The following ZFPM2 variants were observed in gnomAD, a reference collection of about 807,000 sequenced individuals.
ZFPM2 encodes the protein zinc finger protein ZFPM2.
In ZFPM2, 20 loss-of-function variants were observed where a neutral mutation model predicts 98.6. The observed-to-expected ratio is 0.20, with a 90% CI of 0.14 to 0.29. The LOEUF (loss-of-function observed/expected upper bound fraction) is 0.29. Among genes scored for constraint, ZFPM2 ranks in the 10% least tolerant of loss-of-function variants. ZFPM2 has a pLI of 1.00. For missense variants in ZFPM2, 1,310 were observed against 1,388.6 expected, an observed-to-expected ratio of 0.94 and a Z score of 0.90; for synonymous variants, 518 against 502.7, an observed-to-expected ratio of 1.03 and a Z score of -0.41.
At chr8:105,383,120 T>C (rs1810919650) in intron 1 of ZFPM2, among the ~76,000 whole-genome samples, 1 of 152,162 alleles carries the variant, frequency 6.6e-6, no homozygotes, top group African/African-American at 2.4e-5. Flanking sequence ...GCCTGAGCTT[T>C]AAAGAAAAGA....
chr8:105,331,767 C>T (rs753430097), intron 1 of ZFPM2, among the ~76,000 whole-genome samples: 1 of 151,664 alleles, frequency 6.6e-6, no homozygotes, highest in Non-Finnish European at 1.5e-5. Flanking sequence ...TTTAAGAGGA[C>T]TCTAAGGAAT....
intron 6 of ZFPM2, among the ~76,000 whole-genome samples, chr8:105,795,559 AAAG>A (rs1359809940): frequency 6.6e-6 from 1 of 152,106 alleles, no homozygotes; most frequent in Admixed American, 6.6e-5. Flanking sequence ...AACAAACAAA[AAAG>A]AAGTGTATCC....
chr8:105,545,083 C>CATG (rs1384754378), intron 3 of ZFPM2, among the ~76,000 whole-genome samples: 2 of 152,018 alleles, frequency 1.3e-5, no homozygotes, highest in Admixed American at 1.3e-4. Context: ...TGACAAAAAT[C>CATG]ATGATGATGA....
At chr8:105,369,997 G>A (rs912151417) in intron 1 of ZFPM2, among the ~76,000 whole-genome samples, 8 of 152,116 alleles carry the variant, frequency 5.3e-5, no homozygotes. Context: ...TGTCAATTAT[G>A]TTTAAGACTT....
At chr8:105,777,175 T>A (rs1813122682) in intron 5 of ZFPM2, among the ~76,000 whole-genome samples, 2 of 152,168 alleles carry the variant, frequency 1.3e-5, no homozygotes. Flanking sequence ...CACAAGTATT[T>A]AGGTCCCAAT....
At chr8:105,379,491 C>T (rs1387129326) in intron 1 of ZFPM2, among the ~76,000 whole-genome samples, 5 of 152,110 alleles carry the variant, frequency 3.3e-5, no homozygotes, top group South Asian at 2.1e-4. Context: ...CGGTGGCTCA[C>T]GCCTGTAATC....
chr8:105,749,810 A>C (rs959417699), intron 5 of ZFPM2, among the ~76,000 whole-genome samples: 3 of 151,958 alleles, frequency 2.0e-5, no homozygotes, highest in Non-Finnish European at 4.4e-5. Flanking sequence ...GAGTGGAGGA[A>C]GGGGGGCAGA....
intron 3 of ZFPM2, among the ~76,000 whole-genome samples, chr8:105,525,559 A>G (rs2130563654): frequency 6.6e-6 from 1 of 152,318 alleles, no homozygotes; most frequent in African/African-American, 2.4e-5. Flanking sequence ...GACTTGGTCA[A>G]TGTCAAATCG....
At position 105,452,329 on chromosome 8, in the gene ZFPM2, C is replaced by T. The variant is rs184423064; in HGVS notation, c.301+7948C>T. On this transcript the variant is annotated intron_variant, in intron 3 of 7. Transcript: ENST00000407775. ...CTAACAGGGTTTTACTGTGTTCTTT[C>T]TCGTTGAACCATAATTCAGCTTAGA... Among the ~76,000 whole-genome samples, 6 of 152,304 alleles carry T rather than the reference C, an allele frequency of 3.9e-5. No individual in the cohort carries two copies. The South Asian group carries it at 8.3e-4, about 21-fold the overall frequency.
intron 5 of ZFPM2, among the ~76,000 whole-genome samples, chr8:105,651,594 T>A (rs940423767): frequency 2.6e-5 from 4 of 152,062 alleles, no homozygotes; most frequent in African/African-American, 9.7e-5. Context: ...ATATTTAGTG[T>A]GTATCAACAC....
intron 4 of ZFPM2, among the ~76,000 whole-genome samples, chr8:105,611,258 A>C (rs1364452386): frequency 1.3e-5 from 2 of 152,208 alleles, no homozygotes; most frequent in Admixed American, 6.6e-5. Flanking sequence ...GGAGGAGTTA[A>C]AGACCATATC....
At chr8:105,508,653 G>T (rs1358942587) in intron 3 of ZFPM2, among the ~76,000 whole-genome samples, 2 of 151,940 alleles carry the variant, frequency 1.3e-5, no homozygotes, top group Admixed American at 1.3e-4. Context: ...GAGACCAGAT[G>T]CACCTCTTCT....
chr8:105,379,066 G>GAT (rs1810787542), intron 1 of ZFPM2, among the ~76,000 whole-genome samples: 1 of 152,072 alleles, frequency 6.6e-6, no homozygotes, highest in Admixed American at 6.6e-5. Flanking sequence ...TTCCTGTGAA[G>GAT]ATAACAATAT....
intron 1 of ZFPM2, among the ~76,000 whole-genome samples, chr8:105,396,465 A>C (rs1337527652): frequency 6.6e-6 from 1 of 152,160 alleles, no homozygotes; most frequent in Admixed American, 6.6e-5. Flanking sequence ...ACATTTCTGC[A>C]GTAATATGTT....
chr8:105,577,639 A>G (rs1037658366), intron 4 of ZFPM2, among the ~76,000 whole-genome samples: 1 of 151,972 alleles, frequency 6.6e-6, no homozygotes, highest in Non-Finnish European at 1.5e-5. Context: ...AGATACTTTA[A>G]GTACTCTAAT....
chr8:105,402,499 A>G (rs1811360067), intron 1 of ZFPM2, among the ~76,000 whole-genome samples: 2 of 152,100 alleles, frequency 1.3e-5, no homozygotes, highest in African/African-American at 4.8e-5. Context: ...TCAAAATCAA[A>G]ATAATTTAAC....
chr8:105,750,299 G>T lies in ZFPM2; in HGVS notation c.533-38419G>T, dbSNP rs1182812548. ...GTATCTATACTTTATAGTTGTTTCT[G>T]CAACAAGCCCTGCTGCCTCCAAGGG... On this transcript the variant is annotated intron_variant, in intron 5 of 7. Coordinates refer to ENST00000407775, the MANE Select transcript of ZFPM2 (RefSeq NM_012082.4). Among the ~76,000 whole-genome samples the T allele has an allele frequency of 2.6e-5, 4 of 151,932 alleles. No individual in the cohort carries two copies. In the East Asian group the frequency reaches 7.8e-4, roughly 29 times the overall value.
At chr8:105,651,768 T>G (rs917397065) in intron 5 of ZFPM2, among the ~76,000 whole-genome samples, 2 of 152,164 alleles carry the variant, frequency 1.3e-5, no homozygotes, top group African/African-American at 4.8e-5. Context: ...TTTTGAATTA[T>G]TATGTAATGA....
intron 5 of ZFPM2, among the ~76,000 whole-genome samples, chr8:105,670,349 A>T (rs1817568666): frequency 6.6e-6 from 1 of 152,182 alleles, no homozygotes; most frequent in East Asian, 1.9e-4. Context: ...GCAAAAAATT[A>T]GCTGGGCGCG....
Sources: gnomAD v4.1 joint callset for allele counts (sites outside exome capture counted in the v4.1 genomes callset) on GRCh38, gnomAD v4.1.1 for gene constraint, MANE v1.5 for transcripts, NCBI Gene and HGNC (gene_info 2026-07-23, HGNC 2026-07-21) for gene names.